SKI: variants seen among roughly 807,000 people sequenced by gnomAD.
SKI encodes the protein SKI proto-oncogene.
A neutral mutation model predicts 59.3 loss-of-function variants in SKI; 23 were observed. The ratio of observed to expected loss-of-function variants is 0.39; its 90% CI spans 0.28 to 0.55. The LOEUF (loss-of-function observed/expected upper bound fraction) is 0.55. SKI is among the 20% of genes least tolerant of loss of function. The probability of loss-of-function intolerance (pLI) is 0.67; values close to 1 mark genes in which losing one functional copy is unlikely to be tolerated. For missense variants in SKI, 1,017 were observed against 1,038.9 expected (o/e 0.98, Z 0.29); for synonymous variants, 673 against 488.6 (o/e 1.38, Z -4.98).
intron 1 of SKI, among the ~76,000 whole-genome samples, chr1:2,243,045 G>A (rs908212752): frequency 6.6e-6 from 1 of 152,258 alleles, no homozygotes; most frequent in Non-Finnish European, 1.5e-5. Context: ...TCACAAGGGC[G>A]TGTGAACGCG....
chr1:2,282,498 G>A (rs1639914924), intron 1 of SKI, among the ~76,000 whole-genome samples: 1 of 130,758 alleles, frequency 7.6e-6, no homozygotes, highest in Non-Finnish European at 1.8e-5. Flanking sequence ...GATCTTCAGA[G>A]AGAGGACGCC....
chr1:2,259,796 T>C (rs942111492), intron 1 of SKI, among the ~76,000 whole-genome samples: 1 of 152,206 alleles, frequency 6.6e-6, no homozygotes, highest in African/African-American at 2.4e-5. Context: ...TCCTACAATA[T>C]GTTCTTCTTT....
intron 1 of SKI, among the ~76,000 whole-genome samples, chr1:2,244,356 T>A (rs1273600964): frequency 6.6e-6 from 1 of 152,016 alleles, no homozygotes; most frequent in Non-Finnish European, 1.5e-5. Context: ...GGTGGGTGGA[T>A]CACTTGAGGT....
chr1:2,271,588 C>T (rs761528367), intron 1 of SKI, among the ~76,000 whole-genome samples: 7 of 152,152 alleles, frequency 4.6e-5, no homozygotes, highest in Non-Finnish European at 7.4e-5. Context: ...TGACCCCAGA[C>T]GCTCGCCTTT....
At chr1:2,273,386 G>A (rs1569781565) in intron 1 of SKI, among the ~76,000 whole-genome samples, 1 of 152,136 alleles carries the variant, frequency 6.6e-6, no homozygotes, top group Non-Finnish European at 1.5e-5. Context: ...CTGGTCAGAG[G>A]GTGGCATTCC....
intron 1 of SKI, among the ~76,000 whole-genome samples, chr1:2,235,969 G>A (rs373768595): frequency 1.3e-5 from 2 of 152,218 alleles, no homozygotes; most frequent in African/African-American, 2.4e-5. Flanking sequence ...TTTGAGAGGC[G>A]TCTCGGCGTG....
chr1:2,254,647 G>A (rs1185342761), intron 1 of SKI, among the ~76,000 whole-genome samples: 1 of 152,344 alleles, frequency 6.6e-6, no homozygotes, highest in East Asian at 1.9e-4. Context: ...GAGGGGTGAA[G>A]TGGACTGGGA....
intron 1 of SKI, among the ~76,000 whole-genome samples, chr1:2,294,985 G>T (rs781498284): frequency 1.3e-5 from 2 of 152,242 alleles, no homozygotes; most frequent in Admixed American, 6.5e-5. Context: ...CCTGGTGACA[G>T]GGACCAGAAT....
rs1009401516 is a variant in SKI, at chr1:2,270,073, C to G, written c.970-32905C>G. On this transcript the variant is annotated intron_variant, in intron 1 of 6. Transcript: ENST00000378536. The surrounding 1 kb of genome is among the most constrained non-coding windows in gnomAD (Gnocchi z 4.1). ...TGCCATCAGGCTGCCGATGGATGAGCCTGCCTGTCCCCCACGGATTGGAGT... is the reference window on the plus strand; with the variant it reads ...TGCCATCAGGCTGCCGATGGATGAGGCTGCCTGTCCCCCACGGATTGGAGT... Among the ~76,000 whole-genome samples, 1 of 152,074 alleles carries G rather than the reference C, an allele frequency of 6.6e-6. No homozygotes were observed. The highest frequency in any genetic ancestry group is 1.5e-5 in the Non-Finnish European group (1 of 68,024).
At chr1:2,289,153 G>C (rs1208574766) in intron 1 of SKI, among the ~76,000 whole-genome samples, 1 of 152,204 alleles carries the variant, frequency 6.6e-6, no homozygotes, top group African/African-American at 2.4e-5. Flanking sequence ...GCAGTGGTTG[G>C]TGAGAAAGCA....
chr1:2,279,634 C>T (rs760113698), intron 1 of SKI, among the ~76,000 whole-genome samples: 15 of 151,916 alleles, frequency 9.9e-5, no homozygotes, highest in African/African-American at 2.4e-4. Flanking sequence ...AGGGGGGAGT[C>T]GGCTTGGGGG....
At chr1:2,304,127 C>G in intron 4 of SKI, 25 bp downstream of exon 4, 1 of 1,610,632 alleles carries the variant, frequency 6.2e-7, no homozygotes, top group South Asian at 1.1e-5. Context: ...CTTTCTGTGC[C>G]TCCTCCCTGT....
chr1:2,295,891 G>A (rs1167370504), intron 1 of SKI, among the ~76,000 whole-genome samples: 1 of 152,224 alleles, frequency 6.6e-6, no homozygotes, highest in Non-Finnish European at 1.5e-5. Context: ...GTGAGCACTT[G>A]TGCACAAGCT....
intron 1 of SKI, among the ~76,000 whole-genome samples, chr1:2,280,151 T>C (rs931383551): frequency 6.6e-6 from 1 of 151,126 alleles, no homozygotes; most frequent in African/African-American, 2.4e-5. Context: ...GGGTGGCTAA[T>C]GAGGTCAGGA....
intron 1 of SKI, among the ~76,000 whole-genome samples, chr1:2,298,957 G>T (rs542923333): frequency 6.6e-6 from 1 of 152,322 alleles, no homozygotes; most frequent in East Asian, 1.9e-4. Context: ...TTCTCTAGTT[G>T]GGTGGAGCCT....
At chr1:2,271,049 G>A (rs763703363) in intron 1 of SKI, among the ~76,000 whole-genome samples, 39 of 152,216 alleles carry the variant, frequency 2.6e-4, no homozygotes, top group Non-Finnish European at 4.9e-4. Flanking sequence ...TGACCTGCAC[G>A]GTCTGTGGGG....
At chr1:2,240,514 G>C in intron 1 of SKI, 1 of 985,444 alleles carries the variant, frequency 1.0e-6, no homozygotes, top group Non-Finnish European at 1.2e-6. Context: ...GGTGGTGGCT[G>C]GTTGTGGGGC....
intron 1 of SKI, among the ~76,000 whole-genome samples, chr1:2,250,284 G>A (rs1054655927): frequency 3.3e-5 from 5 of 152,186 alleles, no homozygotes; most frequent in South Asian, 2.1e-4. Context: ...AGAGAGTCCC[G>A]TGTGGTGCTG....
At position 2,270,462 on chromosome 1, in the gene SKI, C is replaced by T. The variant is rs536292152; in HGVS notation, c.970-32516C>T. Among the ~76,000 whole-genome samples, 39 of 152,272 alleles carry T rather than the reference C, an allele frequency of 2.6e-4. No individual in the cohort carries two copies. The highest frequency in any genetic ancestry group is 1.1e-3 in the Admixed American group (17 of 15,294). On this transcript the variant is annotated intron_variant, in intron 1 of 6. Coordinates refer to ENST00000378536, the MANE Select transcript of SKI (RefSeq NM_003036.4). The surrounding 1 kb of genome is among the most constrained non-coding windows in gnomAD (Gnocchi z 4.1). ...CAGGGCCTGGGCTTTGTCCCGTTTA[C>T]GAGAGGTCAGGCGGTCACAGGGTAA...
Sources: gnomAD v4.1 joint callset for allele counts (sites outside exome capture counted in the v4.1 genomes callset) on GRCh38, gnomAD v4.1.1 for gene constraint, Gnocchi (gnomAD v3.1) non-coding constraint, MANE v1.5 for transcripts, NCBI Gene and HGNC (gene_info 2026-07-23, HGNC 2026-07-21) for gene names.